The following CACNA1C variants were observed in gnomAD, a reference collection of about 807,000 sequenced individuals.
CACNA1C encodes the protein calcium voltage-gated channel subunit alpha1 C, also known as voltage-dependent L-type calcium channel subunit alpha-1C.
In CACNA1C, 30 loss-of-function variants were observed where a neutral mutation model predicts 229.0. That is an observed-to-expected ratio of 0.13 (90% CI 0.10 to 0.18). The LOEUF is 0.18. CACNA1C is among the 10% of genes least tolerant of loss of function. The probability of loss-of-function intolerance (pLI) is 1.00; values close to 1 mark genes in which losing one functional copy is unlikely to be tolerated. For synonymous variants in CACNA1C, 1,114 were observed against 1,132.5 expected, an observed-to-expected ratio of 0.98 and a Z score of 0.33; for missense variants, 1,658 against 2,845.0, an observed-to-expected ratio of 0.58 and a Z score of 9.49.
intron 1 of CACNA1C, among the ~76,000 whole-genome samples, chr12:1,989,479 C>A (rs894426013): frequency 2.0e-5 from 3 of 152,202 alleles, no homozygotes; most frequent in African/African-American, 7.2e-5. Context: ...CTTTGGGAGG[C>A]CAAGGTGGGT....
At position 2,649,088 on chromosome 12, in the gene CACNA1C, A is replaced by C. The variant is rs1007064531; in HGVS notation, c.3945+581A>C. 6.6e-6 allele frequency among the ~76,000 whole-genome samples: 1 copy of C among 152,100 alleles called. No homozygotes were observed. Among genetic ancestry groups the C allele is most frequent in the African/African-American group, 2.4e-5 (1 of 41,404 alleles). The stretch of plus-strand genomic sequence containing the variant: ...TCACTCCAACCTTGCTATCCCTTGC[A>C]TTTTTCTAAATTCCTGAAGTCCGTT... On this transcript the variant is annotated intron_variant, in intron 31 of 46. Transcript: ENST00000399655. The surrounding 1 kb of genome is among the most constrained non-coding windows in gnomAD (Gnocchi z 4.4).
At chr12:2,387,619 G>T (rs2154547679) in intron 3 of CACNA1C, among the ~76,000 whole-genome samples, 2 of 152,320 alleles carry the variant, frequency 1.3e-5, no homozygotes, top group Non-Finnish European at 2.9e-5. Flanking sequence ...TCCATCCAGG[G>T]TTAGCTCCTA....
chr12:2,385,334 C>T (rs1226338603), intron 3 of CACNA1C, among the ~76,000 whole-genome samples: 1 of 151,974 alleles, frequency 6.6e-6, no homozygotes, highest in African/African-American at 2.4e-5. Context: ...GCCTGCCTCC[C>T]TCTCCCGGCA....
At chr12:2,428,958 A>C (rs893228031) in intron 3 of CACNA1C, among the ~76,000 whole-genome samples, 3 of 152,212 alleles carry the variant, frequency 2.0e-5, no homozygotes, top group African/African-American at 4.8e-5. Flanking sequence ...GTGGCTTAAG[A>C]CAACAAAAAT....
rs760689991 is a variant in CACNA1C at position 2,679,439 on chromosome 12, T to C, written c.5092-5T>C. 9.1e-6 allele frequency: 14 copies of C among 1,534,848 alleles called. No individual in the cohort carries two copies. The East Asian group carries it at 2.6e-4, about 28-fold the overall frequency. Reference sequence around the variant, plus strand: ...TCTCCACCCACCCCTCCTTCTTGCCTACAGAGGGCCGGTGGCCTGTTCGGC... The same window carrying C: ...TCTCCACCCACCCCTCCTTCTTGCCCACAGAGGGCCGGTGGCCTGTTCGGC... On this transcript the variant is annotated splice_polypyrimidine_tract_variant and splice_region_variant and intron_variant, in intron 41 of 46. Transcript: ENST00000399655. This position sits in a 1 kb window ranked among gnomAD's most constrained non-coding sequence, Gnocchi z 5.5.
At chr12:1,997,344 T>C (rs1291133293) in intron 1 of CACNA1C, among the ~76,000 whole-genome samples, 1 of 152,134 alleles carries the variant, frequency 6.6e-6, no homozygotes, top group Non-Finnish European at 1.5e-5. Context: ...CTGACCAACA[T>C]GGTGAAACCT....
intron 1 of CACNA1C, among the ~76,000 whole-genome samples, chr12:2,098,293 G>C (rs1314102384): frequency 1.3e-5 from 2 of 152,128 alleles, no homozygotes; most frequent in African/African-American, 4.8e-5. Context: ...CAGATAAATA[G>C]CTTTGACTTT....
intron 3 of CACNA1C, among the ~76,000 whole-genome samples, chr12:2,347,151 T>C (rs1377325610): frequency 6.6e-6 from 1 of 152,182 alleles, no homozygotes; most frequent in African/African-American, 2.4e-5. Context: ...CCTCCAAGGG[T>C]ATGTGAGCCT....
At chr12:2,581,931 G>T in intron 14 of CACNA1C, 134 bp downstream of exon 14, 1 of 569,492 alleles carries the variant, frequency 1.8e-6, no homozygotes. Flanking sequence ...GCCCATGCCC[G>T]GGAGAGTCTT....
intron 1 of CACNA1C, among the ~76,000 whole-genome samples, chr12:2,101,798 A>G (rs1364791104): frequency 6.6e-6 from 1 of 152,090 alleles, no homozygotes; most frequent in Non-Finnish European, 1.5e-5. Context: ...CGAGAATACT[A>G]AAAACTGCCC....
chr12:2,278,452 A>G (rs983760983), intron 3 of CACNA1C, among the ~76,000 whole-genome samples: 1 of 151,866 alleles, frequency 6.6e-6, no homozygotes, highest in Admixed American at 6.6e-5. Context: ...TTCTGTCATC[A>G]TAGATTAGTT....
intron 1 of CACNA1C, among the ~76,000 whole-genome samples, chr12:2,028,546 A>G (rs2047709494): frequency 1.3e-5 from 2 of 152,310 alleles, no homozygotes; most frequent in Non-Finnish European, 1.5e-5. Context: ...TTTATCCAGG[A>G]CAAGCATGGT....
intron 9 of CACNA1C, among the ~76,000 whole-genome samples, chr12:2,527,313 C>A (rs549151241): frequency 6.6e-6 from 1 of 152,142 alleles, no homozygotes; most frequent in South Asian, 2.1e-4. Flanking sequence ...TACAACTGTG[C>A]TGGGACTTGT....
chr12:2,046,678 A>G (rs2051120979), intron 1 of CACNA1C, among the ~76,000 whole-genome samples: 1 of 152,128 alleles, frequency 6.6e-6, no homozygotes, highest in Non-Finnish European at 1.5e-5. Flanking sequence ...TTGTTATCCT[A>G]ACAACTTAGG....
At chr12:2,091,374 A>G (rs952658091) in intron 1 of CACNA1C, among the ~76,000 whole-genome samples, 4 of 152,202 alleles carry the variant, frequency 2.6e-5, no homozygotes, top group African/African-American at 9.7e-5. Flanking sequence ...TTAAAACAAC[A>G]CAGTTTTATT....
At chr12:2,452,222 T>C (rs562666849) in intron 4 of CACNA1C, among the ~76,000 whole-genome samples, 2 of 152,148 alleles carry the variant, frequency 1.3e-5, no homozygotes, top group South Asian at 2.1e-4. Context: ...ATTGCTATTC[T>C]GGTGGCACAA....
chr12:2,447,474 C>T (rs531580172), intron 3 of CACNA1C, among the ~76,000 whole-genome samples: 1 of 152,282 alleles, frequency 6.6e-6, no homozygotes, highest in East Asian at 1.9e-4. Context: ...AAATTGTCTA[C>T]GATGCACATT....
At chr12:2,322,242 G>A (rs2096040375) in intron 3 of CACNA1C, among the ~76,000 whole-genome samples, 1 of 152,160 alleles carries the variant, frequency 6.6e-6, no homozygotes, top group Non-Finnish European at 1.5e-5. Context: ...GGTGAATCGG[G>A]CTGAATCACA....
intron 3 of CACNA1C, among the ~76,000 whole-genome samples, chr12:2,335,085 C>G (rs2096651314): frequency 6.6e-6 from 1 of 152,176 alleles, no homozygotes. Context: ...CTGAGATGCT[C>G]TGGGTTTGGA....
Sources: allele counts gnomAD v4.1 joint callset (sites outside exome capture counted in the v4.1 genomes callset), GRCh38; gene constraint gnomAD v4.1.1; non-coding constraint Gnocchi (gnomAD v3.1); transcripts MANE v1.5; gene names NCBI Gene and HGNC (gene_info 2026-07-23, HGNC 2026-07-21).